Variants in GRIK2 observed in about 807,000 individuals in gnomAD.
GRIK2 encodes glutamate ionotropic receptor kainate type subunit 2, also known as glutamate receptor ionotropic, kainate 2.
Under a neutral mutation model 100.3 loss-of-function variants are expected in GRIK2, and 32 were observed. The observed-to-expected ratio is 0.32, with a 90% CI of 0.24 to 0.43. GRIK2 has a LOEUF of 0.43. Among genes scored for constraint, GRIK2 ranks in the 20% least tolerant of loss-of-function variants. The pLI is 1.00. For synonymous variants in GRIK2, 417 were observed against 389.4 expected, an observed-to-expected ratio of 1.07 and a Z score of -0.83; for missense variants, 843 against 1,114.9, an observed-to-expected ratio of 0.76 and a Z score of 3.47.
chr6:101,538,215 A>G (rs905002142), intron 2 of GRIK2, among the ~76,000 whole-genome samples: 2 of 151,658 alleles, frequency 1.3e-5, no homozygotes, highest in Admixed American at 6.6e-5. Flanking sequence ...TCCAGAATTT[A>G]GAATCAGTTA....
At chr6:101,708,673 A>G (rs1773503918) in intron 7 of GRIK2, among the ~76,000 whole-genome samples, 1 of 151,800 alleles carries the variant, frequency 6.6e-6, no homozygotes, top group Admixed American at 6.6e-5. Context: ...GAATCTCCAT[A>G]AGAGTATTTA....
intron 7 of GRIK2, among the ~76,000 whole-genome samples, chr6:101,781,264 A>G (rs977414963): frequency 8.5e-5 from 13 of 152,138 alleles, no homozygotes; most frequent in African/African-American, 3.1e-4. Flanking sequence ...GACATTATGA[A>G]CCTCTGAAAG....
chr6:101,672,911 G>A (rs1187777390), intron 4 of GRIK2, among the ~76,000 whole-genome samples: 1 of 152,120 alleles, frequency 6.6e-6, no homozygotes, highest in Non-Finnish European at 1.5e-5. Context: ...TAATGGTAGA[G>A]TTATATTCCT....
At chr6:101,440,891 T>G (rs7452451) in intron 2 of GRIK2, among the ~76,000 whole-genome samples, 5 of 54,716 alleles carry the variant, frequency 9.1e-5, no homozygotes, top group Non-Finnish European at 2.1e-4. Context: ...TGCTTTTTTG[T>G]TTTTTTTTTT....
chr6:101,504,725 G>A lies in GRIK2; in HGVS notation c.115+105333G>A, dbSNP rs527259225. Among the ~76,000 whole-genome samples, 8 of 151,928 alleles carry A rather than the reference G, an allele frequency of 5.3e-5. No individual in the cohort carries two copies. The East Asian group carries it at 1.5e-3, about 29-fold the overall frequency. ...TGCCTTCATTAACAAAGCCTTTGTG[G>A]AGGTTATGAGATAACATATAAAAAA... On this transcript the variant is annotated intron_variant, in intron 2 of 16. Transcript: ENST00000369134.
At chr6:101,912,927 G>T (rs541949523) in intron 12 of GRIK2, among the ~76,000 whole-genome samples, 2 of 151,520 alleles carry the variant, frequency 1.3e-5, no homozygotes, top group South Asian at 4.1e-4. Context: ...ATCTTTATAG[G>T]TTAATAATCA....
chr6:101,484,568 CAT>C (rs1554206989), intron 2 of GRIK2, among the ~76,000 whole-genome samples: 91 of 148,110 alleles, frequency 6.1e-4, no homozygotes, highest in African/African-American at 2.2e-3. Context: ...CACACACACA[CAT>C]ATATATGGGA....
chr6:101,742,670 G>A (rs1257181536), intron 7 of GRIK2, among the ~76,000 whole-genome samples: 1 of 152,204 alleles, frequency 6.6e-6, no homozygotes, highest in African/African-American at 2.4e-5. Flanking sequence ...ACAATTGGCT[G>A]AGTTTGTCTA....
chr6:102,025,344 G>A (rs1394313077), intron 14 of GRIK2, among the ~76,000 whole-genome samples: 1 of 151,178 alleles, frequency 6.6e-6, no homozygotes, highest in African/African-American at 2.4e-5. Context: ...AAATTGAACA[G>A]ATAAATAAGT....
chr6:101,558,120 C>A (rs1296703015), intron 2 of GRIK2, among the ~76,000 whole-genome samples: 2 of 152,160 alleles, frequency 1.3e-5, no homozygotes, highest in Non-Finnish European at 2.9e-5. Flanking sequence ...TTCTAAAGGT[C>A]ATTTCTTCCT....
intron 7 of GRIK2, among the ~76,000 whole-genome samples, chr6:101,725,422 A>G (rs189466018): frequency 6.6e-6 from 1 of 152,178 alleles, no homozygotes; most frequent in East Asian, 1.9e-4. Context: ...ACATTGTCTT[A>G]TAGTAGAAGA....
intron 14 of GRIK2, among the ~76,000 whole-genome samples, chr6:102,002,920 G>A (rs1309044503): frequency 6.6e-6 from 1 of 150,966 alleles, no homozygotes; most frequent in African/African-American, 2.4e-5. Context: ...CATGGAATTT[G>A]ACTTTATCCT....
At chr6:101,747,194 G>A (rs1776471715) in intron 7 of GRIK2, among the ~76,000 whole-genome samples, 1 of 152,046 alleles carries the variant, frequency 6.6e-6, no homozygotes, top group East Asian at 1.9e-4. Context: ...ATCACACATT[G>A]AATGGGAGGA....
intron 2 of GRIK2, among the ~76,000 whole-genome samples, chr6:101,612,882 GA>G (rs1779743906): frequency 6.6e-6 from 1 of 151,550 alleles, no homozygotes; most frequent in South Asian, 2.1e-4. Flanking sequence ...TATGACTGGG[GA>G]AGTGGGAGTG....
intron 4 of GRIK2, among the ~76,000 whole-genome samples, chr6:101,645,627 A>T (rs1439349142): frequency 1.3e-5 from 2 of 151,960 alleles, no homozygotes; most frequent in African/African-American, 4.8e-5. Context: ...CATCTCCCTT[A>T]AGCAAGTGTA....
chr6:101,871,821 A>T (rs555022222), intron 11 of GRIK2, among the ~76,000 whole-genome samples: 3 of 152,036 alleles, frequency 2.0e-5, no homozygotes, highest in Admixed American at 2.0e-4. Flanking sequence ...GCTATTGTGA[A>T]TAGTTCTGTG....
intron 9 of GRIK2, among the ~76,000 whole-genome samples, chr6:101,807,405 C>A (rs1781071724): frequency 6.6e-6 from 1 of 151,922 alleles, no homozygotes; most frequent in South Asian, 2.1e-4. Context: ...TATAAATGTT[C>A]CTTTTTTGTC....
chr6:101,644,894 G>T (rs371674559), intron 4 of GRIK2, among the ~76,000 whole-genome samples: 1 of 151,710 alleles, frequency 6.6e-6, no homozygotes, highest in Non-Finnish European at 1.5e-5. Flanking sequence ...ATATTTCTTG[G>T]TGACTGTTTC....
intron 11 of GRIK2, among the ~76,000 whole-genome samples, chr6:101,866,839 AT>A (rs1339729671): frequency 6.6e-6 from 1 of 150,958 alleles, no homozygotes; most frequent in Non-Finnish European, 1.5e-5. Flanking sequence ...AATTTATTAT[AT>A]TTTCTGAATG....
Sources: gnomAD v4.1 joint callset for allele counts (sites outside exome capture counted in the v4.1 genomes callset) on GRCh38, gnomAD v4.1.1 for gene constraint, MANE v1.5 for transcripts, NCBI Gene and HGNC (gene_info 2026-07-23, HGNC 2026-07-21) for gene names.